Variants in ZFP69B observed in about 807,000 individuals in gnomAD.
ZFP69B encodes the protein zinc finger protein 69 homolog B.
In ZFP69B, 20 loss-of-function variants were observed where a neutral mutation model predicts 19.7. The observed-to-expected ratio is 1.02, with a 90% confidence interval of 0.71 to 1.48. The LOEUF (loss-of-function observed/expected upper bound fraction) is 1.48, where lower values mean the gene tolerates loss of function less well. Ranked by LOEUF, ZFP69B falls within the 40% of genes most tolerant of loss-of-function variation. The pLI, the probability that ZFP69B is intolerant of heterozygous loss-of-function variation, is 0.00. For missense variants in ZFP69B, 583 were observed against 632.6 expected (o/e 0.92, Z 0.84); for synonymous variants, 220 against 222.7 (o/e 0.99, Z 0.11).
At chr1:40,459,106 T>C (rs1645259719) in intron 4 of ZFP69B, among the ~76,000 whole-genome samples, 2 of 152,192 alleles carry the variant, frequency 1.3e-5, no homozygotes, top group East Asian at 3.9e-4. Context: ...ATATCATCTA[T>C]TCGTATGTCC....
chr1:40,462,831 A>G lies in ZFP69B; in HGVS notation c.847A>G (p.Ile283Val), dbSNP rs1444296386. ...YTKMKTFECN[I>V]CEKIFKQLIH... is the part of the protein sequence containing the mutation. The stretch of plus-strand genomic sequence containing the variant: ...AAAAATGAAAACCTTTGAGTGTAAT[A>G]TTTGTGAAAAAATCTTCAAACAGCT... The change falls in exon 5 of 5, where the codon ATT becomes GTT. Residue 283 changes from isoleucine (I) to valine (V), a missense_variant. Coordinates refer to ENST00000361584, the MANE Select transcript of ZFP69B (RefSeq NM_023070.3). 1 of 1,614,060 alleles carries G rather than the reference A, an allele frequency of 6.2e-7. No individual in the cohort carries two copies. The highest frequency in any genetic ancestry group is 8.5e-7 in the Non-Finnish European group (1 of 1,180,002).
Position 40,450,973 on chromosome 1 carries a change from G to A in ZFP69B, c.12G>A (p.Gln4=). 1 of 1,549,518 alleles carries A rather than the reference G, an allele frequency of 6.5e-7. No individual in the cohort carries two copies. The highest frequency in any genetic ancestry group is 8.7e-7 in the Non-Finnish European group (1 of 1,146,094). Residue 4 remains glutamine, a synonymous_variant, in exon 1 of 5, where the codon CAG becomes CAA. Coordinates refer to ENST00000361584, the MANE Select transcript of ZFP69B (RefSeq NM_023070.3). MLQ[Q]LLITLPTEAS... is the part of the protein sequence containing the mutation. ...GTGCGGACGCCGTCATGCTGCAGCA[G>A]CTCCTGATCACCCTGCCCACCGAGG...
At chr1:40,450,306 T>C (rs1645171965), upstream of ZFP69B, 2 of 152,226 alleles carry the variant, frequency 1.3e-5, no homozygotes, top group African/African-American at 4.8e-5. Flanking sequence ...GCTGGGAGGC[T>C]AGGGCCGGGG....
At chr1:40,461,790 C>T (rs1569987128) in intron 4 of ZFP69B, among the ~76,000 whole-genome samples, 1 of 151,928 alleles carries the variant, frequency 6.6e-6, no homozygotes, top group South Asian at 2.1e-4. Context: ...GTGAGAGACC[C>T]TGTCAAAAAA....
intron 2 of ZFP69B, among the ~76,000 whole-genome samples, chr1:40,455,583 TTTTG>T (rs562065011): frequency 2.6e-5 from 4 of 152,220 alleles, no homozygotes; most frequent in Middle Eastern, 3.4e-3. Context: ...TTTGGGAGGT[TTTTG>T]TTTGTTTGTT....
chr1:40,450,434 C>T (rs898148474), upstream of ZFP69B, among the ~76,000 whole-genome samples: 1 of 152,216 alleles, frequency 6.6e-6, no homozygotes, highest in Non-Finnish European at 1.5e-5. Flanking sequence ...AAATCCCCGG[C>T]TACTTTACAC....
Position 40,462,519 on chromosome 1 carries a change from G to T in ZFP69B, c.535G>T (p.Gly179Ter), listed in dbSNP as rs1645297707. The change falls in exon 5 of 5, where the codon GGA becomes TGA. Residue 179 changes from glycine (G) to a stop codon, truncating the protein, a stop_gained. Transcript: ENST00000361584. LOFTEE classifies it low-confidence loss of function (END_TRUNC). The stretch of plus-strand genomic sequence containing the variant: ...CCTAATGATGGAAAGATTTACAAAA[G>T]GAAGCAGCATGTATTCCACCTTGGG... Reference protein sequence around the residue: ...CGLMMERFTKGSSMYSTLGRI... With the variant: ...CGLMMERFTK 1 of 1,613,964 alleles carries T rather than the reference G, an allele frequency of 6.2e-7. No homozygotes were observed. The highest frequency in any genetic ancestry group is 1.3e-5 in the African/African-American group (1 of 74,912).
At chr1:40,461,437 T>A (rs1645284420) in intron 4 of ZFP69B, among the ~76,000 whole-genome samples, 1 of 151,864 alleles carries the variant, frequency 6.6e-6, no homozygotes, top group African/African-American at 2.4e-5. Context: ...TTAAAATACT[T>A]TTTTTTTGGA....
chr1:40,452,601 A>G (rs190017872), intron 1 of ZFP69B, among the ~76,000 whole-genome samples: 3 of 152,372 alleles, frequency 2.0e-5, no homozygotes, highest in Non-Finnish European at 4.4e-5. Flanking sequence ...GGTAACAACC[A>G]CTTTGAATGT....
intron 4 of ZFP69B, among the ~76,000 whole-genome samples, chr1:40,457,784 T>A (rs1645247579): frequency 6.6e-6 from 1 of 152,214 alleles, no homozygotes. Flanking sequence ...TTAAACACAG[T>A]CCACTTCACT....
intron 2 of ZFP69B, among the ~76,000 whole-genome samples, chr1:40,456,141 C>T (rs1440566077): frequency 6.6e-6 from 1 of 152,110 alleles, no homozygotes; most frequent in African/African-American, 2.4e-5. Context: ...ATTGCTGGGT[C>T]AAATGGTATT....
Position 40,452,368 on chromosome 1 carries a change from A to G in ZFP69B, c.127+1280A>G, listed in dbSNP as rs1402195923. Among the ~76,000 whole-genome samples the G allele has an allele frequency of 2.0e-5, 3 of 152,342 alleles. No individual in the cohort carries two copies. The East Asian group carries it at 5.8e-4, about 29-fold the overall frequency. ...GCATTTTATACTTTGCAGATACTGT[A>G]ATATAAAGCACCTGGTACCACCTAC... is the stretch of plus-strand genomic sequence containing the variant. On this transcript the variant is annotated intron_variant, in intron 1 of 4. Transcript: ENST00000361584.
At position 40,450,910 on chromosome 1, in the gene ZFP69B, A is replaced by ATCTT. The variant is rs1645179672; in HGVS notation, c.-52_-51insTCTT. 2.7e-6 allele frequency: 4 copies of ATCTT among 1,468,746 alleles called. No homozygotes were observed. In the African/African-American group the frequency reaches 5.7e-5, roughly 21 times the overall value. The allele number at this position is 1,468,746 out of a possible 1,614,324, so 91.0% of individuals were successfully genotyped here. On this transcript the variant is annotated 5_prime_UTR_variant, in exon 1 of 5. Transcript: ENST00000361584. ...AGCAATTTCCTCATCAGAGGTGGAC[A>ATCTT]AGCCCTATGGGCTAAGACAGAGGGT... is the stretch of plus-strand genomic sequence containing the variant.
intron 4 of ZFP69B, among the ~76,000 whole-genome samples, 183 bp downstream of exon 4, chr1:40,457,622 A>G (rs368204961): frequency 6.6e-6 from 1 of 152,220 alleles, no homozygotes; most frequent in Non-Finnish European, 1.5e-5. Flanking sequence ...AGTCAGAGGA[A>G]AAGAGATGCC....
chr1:40,451,777 G>T (rs1450727398), intron 1 of ZFP69B, among the ~76,000 whole-genome samples: 1 of 152,104 alleles, frequency 6.6e-6, no homozygotes, highest in African/African-American at 2.4e-5. Flanking sequence ...TCTTCAGTTG[G>T]TGAGGGAAAG....
Position 40,463,264 on chromosome 1 carries a change from C to T in ZFP69B, c.1280C>T (p.Thr427Ile), listed in dbSNP as rs770993993. 6.2e-7 allele frequency: 1 copy of T among 1,614,070 alleles called. No homozygotes were observed. Among genetic ancestry groups the T allele is most frequent in the South Asian group, 1.1e-5 (1 of 91,076 alleles). The change falls in exon 5 of 5, where the codon ACC becomes ATC. Residue 427 changes from threonine (T) to isoleucine (I), a missense_variant. Coordinates refer to ENST00000361584, the MANE Select transcript of ZFP69B (RefSeq NM_023070.3). ...KPYICNVCSK[T>I]FSHSTYLTQH... ...TATATTTGTAATGTATGTAGTAAAACCTTCAGCCATAGTACATACCTAACT... is the reference window on the plus strand; with the variant it reads ...TATATTTGTAATGTATGTAGTAAAATCTTCAGCCATAGTACATACCTAACT...
chr1:40,460,722 C>T (rs1304452248), intron 4 of ZFP69B, among the ~76,000 whole-genome samples: 1 of 152,074 alleles, frequency 6.6e-6, no homozygotes, highest in African/African-American at 2.4e-5. Context: ...GTGGCTTAAG[C>T]CTGTAATCCC....
Position 40,450,589 on chromosome 1 carries a change from G to C in ZFP69B, c.-373G>C, listed in dbSNP as rs1645175849. On this transcript the variant is annotated 5_prime_UTR_variant, in exon 1 of 5. It removes an upstream start codon present in the reference 5' UTR. Transcript: ENST00000361584. ...AAACATTTTACAGTGATCCATATAT[G>C]TTCTAGCGTTCTGCCCTATGACTGA... The C allele has an allele frequency of 1.9e-5, 3 of 157,086 alleles. No individual in the cohort carries two copies. In the East Asian group the frequency reaches 5.5e-4, roughly 29 times the overall value. The allele number at this position is 157,086 out of a possible 1,614,324, so 9.7% of individuals were successfully genotyped here. A position where few individuals can be genotyped will look rare whatever the true frequency, so the allele number is the denominator to read the frequency against.
rs373622720 is a variant in ZFP69B at position 40,462,955 on chromosome 1, C to T, written c.971C>T (p.Pro324Leu). The change falls in exon 5 of 5, where the codon CCG becomes CTG. Residue 324 changes from proline to leucine, a missense_variant. By Grantham distance (98) the Pro-to-Leu change is moderately conservative (BLOSUM62 -3). Transcript: ENST00000361584. ...TTTAGCCAAAGTTCATCTCTTATTC[C>T]GCATCAGAGAATTCATACTGGTGAG... ...KAFSQSSSLI[P>L]HQRIHTGEKP... The T allele has an allele frequency of 2.4e-5, 39 of 1,613,476 alleles. No homozygotes were observed. Among genetic ancestry groups the T allele is most frequent in the Non-Finnish European group, 2.4e-5 (28 of 1,179,910 alleles).
Sources: allele counts gnomAD v4.1 joint callset (sites outside exome capture counted in the v4.1 genomes callset), GRCh38; gene constraint gnomAD v4.1.1; transcripts MANE v1.5; gene names NCBI Gene and HGNC (gene_info 2026-07-23, HGNC 2026-07-21).